The following CCDC170 variants were observed in gnomAD, a reference collection of about 807,000 sequenced individuals.
CCDC170 encodes coiled-coil domain-containing protein 170.
CCDC170 carries 69 observed loss-of-function variants against 72.6 expected under a neutral mutation model. The observed-to-expected ratio is 0.95, with a 90% CI of 0.78 to 1.16. The LOEUF (loss-of-function observed/expected upper bound fraction) is 1.16, where lower values mean the gene tolerates loss of function less well. Ranked by LOEUF, CCDC170 falls within the 50% of genes most tolerant of loss-of-function variation. The pLI, the probability that CCDC170 is intolerant of heterozygous loss-of-function variation, is 0.00. For missense variants in CCDC170, 852 were observed against 832.5 expected (o/e 1.02, Z -0.29); for synonymous variants, 300 against 303.9 (o/e 0.99, Z 0.13).
chr6:151,611,598 T>C (rs1232807662), intron 9 of CCDC170, among the ~76,000 whole-genome samples: 1 of 152,168 alleles, frequency 6.6e-6, no homozygotes, highest in Admixed American at 6.5e-5. Context: ...ATATCATCAT[T>C]GTGGAGGTTA....
intron 1 of CCDC170, among the ~76,000 whole-genome samples, chr6:151,497,363 A>C (rs1781925322): frequency 6.6e-6 from 1 of 152,220 alleles, no homozygotes; most frequent in Non-Finnish European, 1.5e-5. Flanking sequence ...CCTGGGCAAC[A>C]GAACAAGACC....
At chr6:151,615,750 C>G in intron 10 of CCDC170, 71 bp downstream of exon 10, 1 of 1,066,000 alleles carries the variant, frequency 9.4e-7, no homozygotes. Flanking sequence ...GATATTAATA[C>G]TTATTCATGC....
intron 6 of CCDC170, among the ~76,000 whole-genome samples, chr6:151,581,418 T>C (rs150278317): frequency 9.7e-4 from 148 of 152,350 alleles, no homozygotes; most frequent in African/African-American, 3.4e-3. Flanking sequence ...TCTTCATCCA[T>C]TCAAGTTTGA....
intron 1 of CCDC170, among the ~76,000 whole-genome samples, chr6:151,507,145 T>C (rs1002683163): frequency 6.6e-5 from 10 of 152,232 alleles, no homozygotes; most frequent in Admixed American, 3.3e-4. Context: ...GGGCAGGGTA[T>C]AGCTAGGCCC....
intron 5 of CCDC170, among the ~76,000 whole-genome samples, chr6:151,559,144 T>C (rs1783035813): frequency 1.3e-5 from 2 of 151,800 alleles, no homozygotes; most frequent in African/African-American, 4.8e-5. Context: ...CCTGAGTAGC[T>C]GGGACAACAG....
At chr6:151,535,671 A>G (rs1277044640) in intron 1 of CCDC170, among the ~76,000 whole-genome samples, 1 of 152,144 alleles carries the variant, frequency 6.6e-6, no homozygotes, top group Non-Finnish European at 1.5e-5. Context: ...CTTCTCTGAT[A>G]ATTCTTTGTT....
chr6:151,499,127 A>AGAC, intron 1 of CCDC170, among the ~76,000 whole-genome samples: 1 of 140,934 alleles, frequency 7.1e-6, no homozygotes, highest in African/African-American at 2.8e-5. Context: ...AAGTGGAATC[A>AGAC]TACTGTATTT....
At chr6:151,557,268 G>T (rs1370230783) in intron 5 of CCDC170, among the ~76,000 whole-genome samples, 2 of 152,050 alleles carry the variant, frequency 1.3e-5, no homozygotes, top group Non-Finnish European at 2.9e-5. Flanking sequence ...AGTTAGCCGG[G>T]TGTGGTGGTG....
intron 9 of CCDC170, among the ~76,000 whole-genome samples, chr6:151,599,547 G>A (rs1776673250): frequency 6.6e-6 from 1 of 152,148 alleles, no homozygotes; most frequent in South Asian, 2.1e-4. Context: ...GACAGGGGCT[G>A]GATCACATGG....
chr6:151,604,003 C>T (rs1209447637), intron 9 of CCDC170, among the ~76,000 whole-genome samples: 2 of 152,118 alleles, frequency 1.3e-5, no homozygotes, highest in Non-Finnish European at 2.9e-5. Flanking sequence ...AGCTATCAGC[C>T]TATATCATGT....
chr6:151,590,971 G>C (rs1776525902), intron 7 of CCDC170, among the ~76,000 whole-genome samples: 1 of 152,220 alleles, frequency 6.6e-6, no homozygotes, highest in Non-Finnish European at 1.5e-5. Flanking sequence ...GTGATAACCT[G>C]AGGATGTAGA....
chr6:151,553,814 T>C (rs181092118), intron 5 of CCDC170, among the ~76,000 whole-genome samples: 5 of 152,238 alleles, frequency 3.3e-5, no homozygotes, highest in Admixed American at 3.3e-4. Context: ...CTCCCGAAGA[T>C]TTACTACTTA....
chr6:151,610,637 T>C (rs1373586727), intron 9 of CCDC170, among the ~76,000 whole-genome samples: 2 of 152,194 alleles, frequency 1.3e-5, no homozygotes, highest in East Asian at 3.9e-4. Context: ...GAGACAATGC[T>C]CTGATGTATT....
intron 5 of CCDC170, among the ~76,000 whole-genome samples, chr6:151,561,736 C>T (rs1484794692): frequency 6.6e-6 from 1 of 151,874 alleles, no homozygotes; most frequent in African/African-American, 2.4e-5. Flanking sequence ...CTCTAAATTT[C>T]TTGAATCTGG....
intron 1 of CCDC170, among the ~76,000 whole-genome samples, chr6:151,514,858 C>G (rs556262049): frequency 6.6e-6 from 1 of 152,252 alleles, no homozygotes; most frequent in South Asian, 2.1e-4. Context: ...GAAGCCTTGG[C>G]AGAACCATTC....
chr6:151,572,710 A>G (rs1292191620), intron 5 of CCDC170, among the ~76,000 whole-genome samples: 2 of 129,838 alleles, frequency 1.5e-5, no homozygotes, highest in Non-Finnish European at 1.5e-5. Flanking sequence ...AGTACAGTGG[A>G]GTGATCTCAG....
intron 9 of CCDC170, among the ~76,000 whole-genome samples, chr6:151,599,653 CAGAG>C: frequency 6.6e-6 from 1 of 152,100 alleles, no homozygotes; most frequent in Admixed American, 6.5e-5. Flanking sequence ...TGAGAAGAAA[CAGAG>C]AGAGAGATAG....
intron 9 of CCDC170, among the ~76,000 whole-genome samples, chr6:151,606,090 C>T (rs185798042): frequency 1.9e-4 from 29 of 151,894 alleles, no homozygotes; most frequent in African/African-American, 4.4e-4. Context: ...TTAGTAGAGA[C>T]GGGGTTTCAG....
chr6:151,574,901 CCTT>C (rs1427163622), intron 6 of CCDC170, among the ~76,000 whole-genome samples: 3 of 152,154 alleles, frequency 2.0e-5, no homozygotes, highest in Admixed American at 2.0e-4. Context: ...TGTTGCCTCT[CCTT>C]CTTCCTCCTT....
Sources: allele counts gnomAD v4.1 joint callset (sites outside exome capture counted in the v4.1 genomes callset), GRCh38; gene constraint gnomAD v4.1.1; transcripts MANE v1.5; gene names NCBI Gene and HGNC (gene_info 2026-07-23, HGNC 2026-07-21).